Variants in RUNX2 observed in about 807,000 individuals in gnomAD.
RUNX2 encodes RUNX family transcription factor 2.
In RUNX2, 10 loss-of-function variants were observed where a neutral mutation model predicts 51.7. That is an observed-to-expected ratio of 0.19 (90% CI 0.12 to 0.33). The LOEUF (loss-of-function observed/expected upper bound fraction) is 0.33, where lower values mean the gene tolerates loss of function less well. Among genes scored for constraint, RUNX2 ranks in the 10% least tolerant of loss-of-function variants. The pLI is 1.00. For missense variants in RUNX2, 562 were observed against 691.3 expected, an observed-to-expected ratio of 0.81 and a Z score of 2.10; for synonymous variants, 276 against 273.6, an observed-to-expected ratio of 1.01 and a Z score of -0.09.
In RUNX2 at chr6:45,476,946, T is replaced by C. The variant is rs1004939065; in HGVS notation, c.686-14995T>C. On this transcript the variant is annotated intron_variant, in intron 5 of 8. Coordinates refer to ENST00000647337, the MANE Select transcript of RUNX2 (RefSeq NM_001024630.4). ...ACTGGAAATGCATTTTCCATAGTCATAGGAACTTGAAGCCATTGGGATTGA... is the reference window on the plus strand; with the variant it reads ...ACTGGAAATGCATTTTCCATAGTCACAGGAACTTGAAGCCATTGGGATTGA... Among the ~76,000 whole-genome samples the C allele has an allele frequency of 6.6e-5, 10 of 152,158 alleles. No individual in the cohort carries two copies. In the East Asian group the frequency reaches 1.5e-3, roughly 23 times the overall value.
At chr6:45,545,477 A>G (rs1015111848) in intron 8 of RUNX2, among the ~76,000 whole-genome samples, 195 bp downstream of exon 8, 21 of 152,346 alleles carry the variant, frequency 1.4e-4, no homozygotes, top group African/African-American at 4.8e-4. Flanking sequence ...AACAAAAATT[A>G]ATAACCTTCA....
chr6:45,422,002 G>A, intron 2 of RUNX2: 1 of 149,438 alleles, frequency 6.7e-6, no homozygotes, highest in East Asian at 2.0e-4. Flanking sequence ...AGGAATCTGA[G>A]CGTGCAGCCC....
At position 45,549,736 on chromosome 6, in the gene RUNX2, A is replaced by G. The variant is rs1403055549; in HGVS notation, c.*2431A>G. The stretch of plus-strand genomic sequence containing the variant: ...AATTAAAAAGGTACTATATTTGTAC[A>G]TTATTTTTTAATGTTAAAAGGGCTT... On this transcript the variant is annotated 3_prime_UTR_variant, in exon 9 of 9. Transcript: ENST00000647337. 2 of 179,002 alleles carry G rather than the reference A, an allele frequency of 1.1e-5. No homozygotes were observed. Among genetic ancestry groups the G allele is most frequent in the East Asian group, 1.4e-4 (1 of 6,916 alleles). 11.1% of individuals were successfully genotyped at this position (179,002 alleles called of 1,614,324 possible). A position where few individuals can be genotyped will look rare whatever the true frequency, so the allele number is the denominator to read the frequency against.
Position 45,422,755 on chromosome 6 carries a change from C to T in RUNX2, c.221C>T (p.Ala74Val). 1 of 1,349,144 alleles carries T rather than the reference C, an allele frequency of 7.4e-7. No homozygotes were observed. The allele number at this position is 1,349,144 out of a possible 1,614,324, so 83.6% of individuals were successfully genotyped here. ...QQQQQQQQEA[A>V]AAAAAAAAAA... is the part of the protein sequence containing the mutation. ...CAGCAGCAGCAGCAGCAGGAGGCGG[C>T]GGCGGCGGCTGCGGCGGCGGCGGCG... The change falls in exon 3 of 9, where the codon GCG becomes GTG. Residue 74 changes from alanine (A) to valine (V), a missense_variant. Coordinates refer to ENST00000647337, the MANE Select transcript of RUNX2 (RefSeq NM_001024630.4).
intron 4 of RUNX2, among the ~76,000 whole-genome samples, chr6:45,437,354 T>C (rs1245540534): frequency 6.6e-6 from 1 of 152,128 alleles, no homozygotes; most frequent in Non-Finnish European, 1.5e-5. Context: ...GGAGAAAAAC[T>C]TTGTTCCAGT....
intron 5 of RUNX2, among the ~76,000 whole-genome samples, chr6:45,466,278 A>T (rs1468394316): frequency 6.6e-6 from 1 of 151,938 alleles, no homozygotes; most frequent in African/African-American, 2.4e-5. Context: ...CCGCCATTGC[A>T]CTCCAGCCTG....
chr6:45,361,417 A>G (rs1794239951), intron 2 of RUNX2, among the ~76,000 whole-genome samples: 1 of 152,230 alleles, frequency 6.6e-6, no homozygotes, highest in Non-Finnish European at 1.5e-5. Flanking sequence ...GAAAAAGTAC[A>G]TGACAAGGCA....
At chr6:45,492,514 T>G (rs1186988972) in intron 6 of RUNX2, among the ~76,000 whole-genome samples, 1 of 152,196 alleles carries the variant, frequency 6.6e-6, no homozygotes, top group Non-Finnish European at 1.5e-5. Context: ...TGTATAACTA[T>G]TTCATTAAGT....
chr6:45,418,949 T>C (rs1038165295), intron 2 of RUNX2, among the ~76,000 whole-genome samples: 1 of 152,194 alleles, frequency 6.6e-6, no homozygotes, highest in Non-Finnish European at 1.5e-5. Flanking sequence ...GCTGAGTTAC[T>C]AGATATGATT....
At chr6:45,516,176 A>C (rs1290463053) in intron 7 of RUNX2, among the ~76,000 whole-genome samples, 1 of 152,224 alleles carries the variant, frequency 6.6e-6, no homozygotes, top group African/African-American at 2.4e-5. Flanking sequence ...AAAATAAGAT[A>C]AAATGATAAA....
intron 2 of RUNX2, among the ~76,000 whole-genome samples, chr6:45,344,796 A>T (rs1790512593): frequency 1.3e-5 from 2 of 152,276 alleles, no homozygotes; most frequent in South Asian, 4.1e-4. Flanking sequence ...CCTAAAAAAG[A>T]AGGCCACTTC....
rs527249332 is a variant in RUNX2 at position 45,412,653 on chromosome 6, A to T, written c.59-9940A>T. On this transcript the variant is annotated intron_variant, in intron 2 of 8. Coordinates refer to ENST00000647337, the MANE Select transcript of RUNX2 (RefSeq NM_001024630.4). ...AATACTGGCCAAATAACCTTTTTTT[A>T]AAAAAACAGTTTTTTTCCTACTTTT... Among the ~76,000 whole-genome samples the T allele has an allele frequency of 7.9e-5, 12 of 151,974 alleles. No homozygotes were observed. The South Asian group carries it at 1.5e-3, about 18-fold the overall frequency.
At chr6:45,522,436 A>T (rs946857056) in intron 7 of RUNX2, among the ~76,000 whole-genome samples, 3 of 149,232 alleles carry the variant, frequency 2.0e-5, no homozygotes, top group African/African-American at 5.1e-5. Flanking sequence ...TTAGGAAATT[A>T]AAAAAAAACA....
chr6:45,466,506 C>A (rs1035959244), intron 5 of RUNX2, among the ~76,000 whole-genome samples: 1 of 152,094 alleles, frequency 6.6e-6, no homozygotes, highest in Non-Finnish European at 1.5e-5. Context: ...CAAGCCTGAG[C>A]CCTTGCCAGG....
At chr6:45,333,308 C>G (rs943595068) in intron 2 of RUNX2, among the ~76,000 whole-genome samples, 1 of 151,618 alleles carries the variant, frequency 6.6e-6, no homozygotes, top group African/African-American at 2.4e-5. Flanking sequence ...CAGTCAACCA[C>G]AAGCTTTTGT....
In RUNX2 at chr6:45,509,242, AG is replaced by A. The variant is rs200785588; in HGVS notation, c.860-3003del. 7.2e-3 allele frequency among the ~76,000 whole-genome samples: 1,104 copies of A among 152,338 alleles called. 13 individuals are homozygous for A. The highest frequency in any genetic ancestry group is 0.025 in the African/African-American group (1,026 of 41,578). On this transcript the variant is annotated intron_variant, in intron 6 of 8. Transcript: ENST00000647337. ...AAGAGAGTCAAAATAGTTTTTCTGT[AG>A]TACTTTATAGTTATCAAAATGCTTT...
At chr6:45,338,527 T>C (rs1352499501) in intron 2 of RUNX2, among the ~76,000 whole-genome samples, 3 of 152,096 alleles carry the variant, frequency 2.0e-5, no homozygotes, top group Non-Finnish European at 4.4e-5. Flanking sequence ...TTCAGGTAGC[T>C]GCCAGTAGGT....
At chr6:45,452,825 C>T (rs1381689586) in intron 5 of RUNX2, among the ~76,000 whole-genome samples, 2 of 152,192 alleles carry the variant, frequency 1.3e-5, no homozygotes, top group Admixed American at 1.3e-4. Flanking sequence ...GGTGTGGTGC[C>T]AGGCTAGGGG....
At chr6:45,439,793 C>G (rs1359556454) in intron 5 of RUNX2, among the ~76,000 whole-genome samples, 4 of 152,068 alleles carry the variant, frequency 2.6e-5, no homozygotes, top group Admixed American at 2.6e-4. Context: ...GCTCCCTGTT[C>G]TGAACGATAT....
Sources: allele counts gnomAD v4.1 joint callset (sites outside exome capture counted in the v4.1 genomes callset), GRCh38; gene constraint gnomAD v4.1.1; transcripts MANE v1.5; gene names NCBI Gene and HGNC (gene_info 2026-07-23, HGNC 2026-07-21).